Variants in QPCT observed in about 807,000 individuals in gnomAD.
The protein encoded by QPCT is EC.
QPCT carries 44 observed loss-of-function variants against 43.4 expected under a neutral mutation model. The observed-to-expected ratio is 1.01, with a 90% CI of 0.80 to 1.30. QPCT has a LOEUF of 1.30. Among genes scored for constraint, QPCT ranks in the 50% most tolerant of loss-of-function variants. QPCT has a pLI of 0.00. For synonymous variants in QPCT, 168 were observed against 168.4 expected (o/e 1.00, Z 0.02); for missense variants, 526 against 436.5 (o/e 1.21, Z -1.83).
At chr2:37,353,927 C>T (rs1342293708) in intron 2 of QPCT, among the ~76,000 whole-genome samples, 2 of 152,192 alleles carry the variant, frequency 1.3e-5, no homozygotes, top group African/African-American at 2.4e-5. Flanking sequence ...TGCAGTGGCG[C>T]GATCTCGGTT....
At chr2:37,369,900 C>G (rs1204660254) in intron 5 of QPCT, 116 bp downstream of exon 5, 2 of 957,172 alleles carry the variant, frequency 2.1e-6, no homozygotes, top group Non-Finnish European at 3.2e-6. Flanking sequence ...ACCTGTAATC[C>G]TAGCACTTTG....
chr2:37,347,145 T>TTTATATATATATATC (rs1672504596), intron 1 of QPCT, among the ~76,000 whole-genome samples: 2 of 1,738 alleles, frequency 1.2e-3, no homozygotes, highest in Non-Finnish European at 1.7e-3. Context: ...TGGGGTGTTT[T>TTTATATATATATATC]ATATATATAT....
chr2:37,353,769 G>A (rs1672673792), intron 2 of QPCT, among the ~76,000 whole-genome samples: 1 of 152,170 alleles, frequency 6.6e-6, no homozygotes, highest in Admixed American at 6.5e-5. Flanking sequence ...GAATGGGACT[G>A]GCCCTTCACA....
At chr2:37,353,374 G>T (rs1008056708) in intron 2 of QPCT, among the ~76,000 whole-genome samples, 4 of 152,188 alleles carry the variant, frequency 2.6e-5, no homozygotes, top group African/African-American at 9.6e-5. Flanking sequence ...CTGGTGATAA[G>T]CTAGCCGCAT....
chr2:37,355,601 C>A (rs1475188222), intron 2 of QPCT, among the ~76,000 whole-genome samples: 1 of 152,054 alleles, frequency 6.6e-6, no homozygotes, highest in African/African-American at 2.4e-5. Context: ...TTTGGGGGAA[C>A]CCTGTCCCAC....
At chr2:37,369,821 T>C in intron 5 of QPCT, 37 bp downstream of exon 5, 2 of 1,479,752 alleles carry the variant, frequency 1.4e-6, no homozygotes, top group Non-Finnish European at 1.9e-6. Context: ...AAACATCATT[T>C]CTTGCTACTG....
rs1553386472 is a variant in QPCT, at chr2:37,367,205, C to G, written c.547-27C>G. The G allele has an allele frequency of 1.3e-5, 20 of 1,575,132 alleles. No homozygotes were observed. The South Asian group carries it at 1.8e-4, about 15-fold the overall frequency. ...TTTTCATCATCACAGTATTTTTTTG[C>G]TATGTTTTTATTGTTGTTTTTACCA... On this transcript the variant is annotated intron_variant, in intron 3 of 6. Transcript: ENST00000338415.
intron 3 of QPCT, among the ~76,000 whole-genome samples, chr2:37,362,571 T>C (rs1294945101): frequency 2.0e-5 from 3 of 152,210 alleles, no homozygotes; most frequent in Non-Finnish European, 4.4e-5. Context: ...TTTTTTCTCT[T>C]TTGAAATCAC....
intron 1 of QPCT, 75 bp downstream of exon 1, chr2:37,344,926 T>C: frequency 6.9e-7 from 1 of 1,459,566 alleles, no homozygotes; most frequent in Non-Finnish European, 9.0e-7. Flanking sequence ...GGGTCAGCCC[T>C]ACCTAGGCAG....
chr2:37,360,237 C>A (rs76702535), intron 3 of QPCT, among the ~76,000 whole-genome samples: 13 of 152,270 alleles, frequency 8.5e-5, no homozygotes, highest in Non-Finnish European at 1.6e-4. Flanking sequence ...ACCTTCTGAT[C>A]TGAGAGATGG....
At chr2:37,365,384 G>A (rs1401416319) in intron 3 of QPCT, among the ~76,000 whole-genome samples, 1 of 152,202 alleles carries the variant, frequency 6.6e-6, no homozygotes, top group Non-Finnish European at 1.5e-5. Context: ...ACCACTGGAT[G>A]TAGCCATGTA....
In QPCT at chr2:37,352,951, A is replaced by G; in HGVS notation, c.267+16A>G. ...TGCTCGTCAGGTGAGAACATGGGAC[A>G]CAAACCTCAAGCTTGTGTGAATACT... On this transcript the variant is annotated intron_variant, in intron 2 of 6. Coordinates refer to ENST00000338415, the MANE Select transcript of QPCT (RefSeq NM_012413.4). 10 of 1,607,332 alleles carry G rather than the reference A, an allele frequency of 6.2e-6. No homozygotes were observed. Among genetic ancestry groups the G allele is most frequent in the Non-Finnish European group, 8.5e-6 (10 of 1,174,898 alleles).
At chr2:37,369,245 T>G (rs1456561859) in intron 4 of QPCT, among the ~76,000 whole-genome samples, 1 of 152,218 alleles carries the variant, frequency 6.6e-6, no homozygotes, top group African/African-American at 2.4e-5. Flanking sequence ...AGATACTACT[T>G]GATCAATAAA....
At chr2:37,349,670 C>G (rs1246302483) in intron 1 of QPCT, among the ~76,000 whole-genome samples, 1 of 152,172 alleles carries the variant, frequency 6.6e-6, no homozygotes, top group African/African-American at 2.4e-5. Flanking sequence ...GTCAACCCAG[C>G]TCTTCATCGT....
intron 1 of QPCT, among the ~76,000 whole-genome samples, chr2:37,347,168 T>TATC (rs1558599330): frequency 4.4e-4 from 23 of 52,834 alleles, no homozygotes; most frequent in East Asian, 5.0e-3. Context: ...ATATATAACA[T>TATC]ATATATATAT....
intron 1 of QPCT, among the ~76,000 whole-genome samples, chr2:37,348,252 T>A (rs1672548045): frequency 6.6e-6 from 1 of 152,210 alleles, no homozygotes; most frequent in African/African-American, 2.4e-5. Context: ...TTTACAGATA[T>A]GGACTCTTTC....
Position 37,351,179 on chromosome 2 carries a change from G to A in QPCT, c.121-1610G>A, listed in dbSNP as rs79653544. On this transcript the variant is annotated intron_variant, in intron 1 of 6. Transcript: ENST00000338415. ...AAAATAGTTGCATGACTATTTAAGC[G>A]TATCCAGCTAACACTGGTCCTGAAA... is the stretch of plus-strand genomic sequence containing the variant. Among the ~76,000 whole-genome samples the A allele has an allele frequency of 3.4e-3, 511 of 152,340 alleles. 2 individuals are homozygous for A. Among genetic ancestry groups the A allele is most frequent in the African/African-American group, 0.012 (479 of 41,574 alleles).
intron 1 of QPCT, among the ~76,000 whole-genome samples, chr2:37,347,910 A>G (rs1350541402): frequency 6.6e-6 from 1 of 152,246 alleles, no homozygotes; most frequent in Non-Finnish European, 1.5e-5. Context: ...CTAATTATAA[A>G]GTTGACATGT....
intron 4 of QPCT, among the ~76,000 whole-genome samples, chr2:37,369,322 C>T (rs966845093): frequency 1.3e-5 from 2 of 152,196 alleles, no homozygotes; most frequent in Middle Eastern, 3.2e-3. Flanking sequence ...AATGGCTAAA[C>T]AGAGTGGATT....
Sources: allele counts gnomAD v4.1 joint callset (sites outside exome capture counted in the v4.1 genomes callset), GRCh38; gene constraint gnomAD v4.1.1; transcripts MANE v1.5; gene names NCBI Gene and HGNC (gene_info 2026-07-23, HGNC 2026-07-21).